The following ENTPD7 variants were observed in gnomAD, a reference collection of about 807,000 sequenced individuals.
The protein encoded by ENTPD7 is ectonucleoside triphosphate diphosphohydrolase 7.
ENTPD7 carries 53 observed loss-of-function variants against 77.9 expected under a neutral mutation model. The ratio of observed to expected loss-of-function variants is 0.68; its 90% confidence interval spans 0.55 to 0.85. The LOEUF (loss-of-function observed/expected upper bound fraction) is 0.85. ENTPD7 is among the 40% of genes least tolerant of loss of function. The pLI is 0.00. For synonymous variants in ENTPD7, 248 were observed against 274.9 expected (o/e 0.90, Z 0.97); for missense variants, 636 against 743.7 (o/e 0.86, Z 1.68).
At chr10:99,662,369 G>A (rs2035498049) in intron 3 of ENTPD7, among the ~76,000 whole-genome samples, 1 of 151,750 alleles carries the variant, frequency 6.6e-6, no homozygotes, top group South Asian at 2.1e-4. Flanking sequence ...AGTTTATAGT[G>A]TCATCTTTAA....
chr10:99,664,025 T>C (rs1436186852), intron 3 of ENTPD7, among the ~76,000 whole-genome samples: 1 of 152,148 alleles, frequency 6.6e-6, no homozygotes, highest in Non-Finnish European at 1.5e-5. Context: ...TTTGTTAGTA[T>C]TTTTTTCTGT....
rs560764806 is a variant in ENTPD7, at chr10:99,700,387, A to G, written c.1336-586A>G. 2.7e-5 allele frequency among the ~76,000 whole-genome samples: 4 copies of G among 147,568 alleles called. No homozygotes were observed. In the East Asian group the frequency reaches 6.0e-4, roughly 22 times the overall value. ...TTTCCCTGAGCATTTATGTTATCCA[A>G]CGTACCGTGTGTGTGTGTGTGTGTG... On this transcript the variant is annotated intron_variant, in intron 10 of 12. Coordinates refer to ENST00000370489, the MANE Select transcript of ENTPD7 (RefSeq NM_020354.5).
At position 99,701,083 on chromosome 10, in the gene ENTPD7, A is replaced by G. The variant is rs760089310; in HGVS notation, c.1421+25A>G. The G allele has an allele frequency of 3.6e-5, 57 of 1,576,656 alleles. 1 individual carries two copies. The South Asian group carries it at 6.0e-4, about 17-fold the overall frequency. On this transcript the variant is annotated intron_variant, in intron 11 of 12. Coordinates refer to ENST00000370489, the MANE Select transcript of ENTPD7 (RefSeq NM_020354.5). ...AGTAAGTTACTTCCCTTTCCTCCTTAGATGTGGACTTAAAATCTAGATGGC... is the reference window on the plus strand; with the variant it reads ...AGTAAGTTACTTCCCTTTCCTCCTTGGATGTGGACTTAAAATCTAGATGGC...
intron 3 of ENTPD7, among the ~76,000 whole-genome samples, chr10:99,672,284 C>T (rs1207196738): frequency 2.0e-5 from 3 of 151,370 alleles, no homozygotes; most frequent in African/African-American, 7.3e-5. Flanking sequence ...TGTGTCTGTC[C>T]CACATTTATT....
intron 3 of ENTPD7, among the ~76,000 whole-genome samples, chr10:99,668,528 A>G (rs993147945): frequency 2.6e-5 from 4 of 152,236 alleles, no homozygotes; most frequent in Non-Finnish European, 5.9e-5. Context: ...GTGAGAATAA[A>G]AATAGCTGTC....
intron 5 of ENTPD7, among the ~76,000 whole-genome samples, chr10:99,683,428 T>A (rs1018490293): frequency 1.3e-5 from 2 of 152,136 alleles, no homozygotes; most frequent in African/African-American, 4.8e-5. Context: ...TTAAAAAAAA[T>A]CCCTTAAAAA....
chr10:99,694,743 G>T (rs1010886107), intron 8 of ENTPD7, among the ~76,000 whole-genome samples: 1 of 151,984 alleles, frequency 6.6e-6, no homozygotes, highest in African/African-American at 2.4e-5. Flanking sequence ...CACCATGTTG[G>T]CCAGGCTGGT....
rs886764754 is a variant in ENTPD7, at chr10:99,706,605, G to C, written c.*1922G>C. ...CCACCTCAGCCTCCCAAAGTGCTGG[G>C]ATTACAAGCATGAGCTACTGCACCT... On this transcript the variant is annotated 3_prime_UTR_variant, in exon 13 of 13. Coordinates refer to ENST00000370489, the MANE Select transcript of ENTPD7 (RefSeq NM_020354.5). 3.9e-5 allele frequency among the ~76,000 whole-genome samples: 6 copies of C among 152,090 alleles called. No individual in the cohort carries two copies. Among genetic ancestry groups the C allele is most frequent in the Non-Finnish European group, 7.4e-5 (5 of 68,014 alleles).
rs1274973785 is a variant in ENTPD7 at position 99,708,487 on chromosome 10, C to T, written c.*3804C>T. Among the ~76,000 whole-genome samples, 2 of 152,150 alleles carry T rather than the reference C, an allele frequency of 1.3e-5. No homozygotes were observed. The highest frequency in any genetic ancestry group is 3.9e-4 in the East Asian group (2 of 5,186). ...ATTTACTAGCTCTGGTACCCCAGGC[C>T]AGTCACTTACCATCTCTGGTTCGGT... On this transcript the variant is annotated 3_prime_UTR_variant, in exon 13 of 13. Transcript: ENST00000370489.
At position 99,698,838 on chromosome 10, in the gene ENTPD7, A is replaced by C; in HGVS notation, c.1315A>C (p.Thr439Pro). ...LRIGGRYHGP[T>P]FAKAAQDYCG... ...CATTGGTGGCCGCTACCATGGGCCA[A>C]CATTTGCCAAGGCTGCTCAGGTAAA... The change falls in exon 10 of 13, where the codon ACA (threonine) becomes CCA (proline). Residue 439 changes from threonine (T) to proline (P), a missense_variant. Around this residue, in one of 3 missense-constraint regions of ENTPD7, gnomAD observed 486 missense variants for 556.5 expected, o/e 0.87. Coordinates refer to ENST00000370489, the MANE Select transcript of ENTPD7 (RefSeq NM_020354.5). The C allele has an allele frequency of 6.2e-7, 1 of 1,604,470 alleles. No individual in the cohort carries two copies.
At chr10:99,672,955 G>A (rs1167297941) in intron 3 of ENTPD7, among the ~76,000 whole-genome samples, 1 of 152,220 alleles carries the variant, frequency 6.6e-6, no homozygotes, top group African/African-American at 2.4e-5. Context: ...CTTAGTTACA[G>A]CTCTAACGCT....
At chr10:99,662,255 T>C (rs2035496812) in intron 3 of ENTPD7, among the ~76,000 whole-genome samples, 1 of 152,218 alleles carries the variant, frequency 6.6e-6, no homozygotes, top group South Asian at 2.1e-4. Context: ...CTTTTTCCTC[T>C]TTTTCCCTCT....
intron 6 of ENTPD7, among the ~76,000 whole-genome samples, 161 bp from the exon 7 acceptor site, chr10:99,688,533 A>G (rs2035841597): frequency 6.6e-6 from 1 of 152,262 alleles, no homozygotes. Flanking sequence ...AGGGAAAAAA[A>G]TCACAAGATG....
At position 99,710,730 on chromosome 10, in the gene ENTPD7, T is replaced by C; in HGVS notation, c.*6047T>C. On this transcript the variant is annotated 3_prime_UTR_variant, in exon 13 of 13. Coordinates refer to ENST00000370489, the MANE Select transcript of ENTPD7 (RefSeq NM_020354.5). ...ACCACAAGGGTAGCTGTAGATAAAC[T>C]GGTTATCCTAAAATCATGATTATCA... 1.0e-6 allele frequency: 1 copy of C among 985,422 alleles called. No individual in the cohort carries two copies. 61.0% of individuals were successfully genotyped at this position (985,422 alleles called of 1,614,324 possible).
intron 3 of ENTPD7, among the ~76,000 whole-genome samples, chr10:99,671,440 G>T (rs2035618452): frequency 6.6e-6 from 1 of 151,884 alleles, no homozygotes; most frequent in African/African-American, 2.4e-5. Context: ...TTATTTGTTA[G>T]AAATGAAAAC....
intron 3 of ENTPD7, among the ~76,000 whole-genome samples, chr10:99,664,291 C>G (rs965633024): frequency 2.0e-5 from 3 of 151,978 alleles, no homozygotes; most frequent in Non-Finnish European, 4.4e-5. Context: ...GACAGAGTCT[C>G]ACTCTGTCAC....
chr10:99,696,189 C>T (rs2133493534), intron 9 of ENTPD7, 67 bp downstream of exon 9: 7 of 1,556,850 alleles, frequency 4.5e-6, no homozygotes, highest in Non-Finnish European at 6.1e-6. Flanking sequence ...GGGAGAAATA[C>T]TCACATCCTC....
At chr10:99,697,827 T>C (rs1251716522) in intron 9 of ENTPD7, 1 of 153,278 alleles carries the variant, frequency 6.5e-6, no homozygotes, top group African/African-American at 2.4e-5. Context: ...ATTGGCAAAG[T>C]TACTTGGACC....
intron 5 of ENTPD7, among the ~76,000 whole-genome samples, chr10:99,684,911 G>A (rs1223485144): frequency 1.3e-5 from 2 of 152,062 alleles, no homozygotes; most frequent in Non-Finnish European, 2.9e-5. Flanking sequence ...CAAATGGTAA[G>A]ATTTTCACAA....
Sources: gnomAD v4.1 joint callset for allele counts (sites outside exome capture counted in the v4.1 genomes callset) on GRCh38, gnomAD v4.1.1 for gene constraint, gnomAD v4.1.1 regional missense constraint, MANE v1.5 for transcripts, NCBI Gene and HGNC (gene_info 2026-07-23, HGNC 2026-07-21) for gene names.